GFRA1: variants seen among roughly 807,000 people sequenced by gnomAD.
The protein encoded by GFRA1 is GDNF family receptor alpha-1.
A neutral mutation model predicts 51.6 loss-of-function variants in GFRA1; 16 were observed. The ratio of observed to expected loss-of-function variants is 0.31; its 90% CI spans 0.21 to 0.47. The LOEUF is 0.47. Ranked by LOEUF, GFRA1 falls within the 20% of genes least tolerant of loss-of-function variation. The probability of loss-of-function intolerance (pLI) is 1.00; values close to 1 mark genes in which losing one functional copy is unlikely to be tolerated. For missense variants in GFRA1, 530 were observed against 594.3 expected, an observed-to-expected ratio of 0.89 and a Z score of 1.13; for synonymous variants, 270 against 241.3, an observed-to-expected ratio of 1.12 and a Z score of -1.10.
chr10:116,139,469 G>C (rs1958471662), intron 5 of GFRA1, among the ~76,000 whole-genome samples: 1 of 152,228 alleles, frequency 6.6e-6, no homozygotes, highest in Admixed American at 6.5e-5. Flanking sequence ...ATTTGGACTT[G>C]TACACTAGCT....
chr10:116,264,764 A>C (rs1259544885), intron 4 of GFRA1, among the ~76,000 whole-genome samples: 2 of 152,216 alleles, frequency 1.3e-5, no homozygotes, highest in Non-Finnish European at 2.9e-5. Flanking sequence ...GTGGGGCTTC[A>C]AAATGGAGAG....
intron 9 of GFRA1, among the ~76,000 whole-genome samples, 160 bp from the exon 10 acceptor site, chr10:116,065,786 AAG>A (rs745595493): frequency 2.0e-5 from 3 of 152,208 alleles, no homozygotes; most frequent in Non-Finnish European, 2.9e-5. Context: ...CCATGTAATA[AAG>A]AGATATCAGG....
chr10:116,196,749 T>C (rs1052994425), intron 5 of GFRA1, among the ~76,000 whole-genome samples: 3 of 83,728 alleles, frequency 3.6e-5, no homozygotes, highest in African/African-American at 7.9e-5. Flanking sequence ...ATATATAATA[T>C]ATATTATATA....
chr10:116,205,015 T>G (rs1416883601), intron 5 of GFRA1, among the ~76,000 whole-genome samples: 1 of 152,142 alleles, frequency 6.6e-6, no homozygotes, highest in East Asian at 1.9e-4. Context: ...TAAATCACAT[T>G]GATAGAATGT....
intron 5 of GFRA1, among the ~76,000 whole-genome samples, chr10:116,196,628 A>T (rs12771733): frequency 2.0e-3 from 44 of 21,886 alleles, no homozygotes; most frequent in African/African-American, 4.7e-3. Flanking sequence ...TAATATATAT[A>T]ATATATAGTA....
intron 6 of GFRA1, among the ~76,000 whole-genome samples, chr10:116,118,577 C>T (rs943598875): frequency 4.6e-5 from 7 of 152,138 alleles, no homozygotes; most frequent in Non-Finnish European, 5.9e-5. Flanking sequence ...CTCCTGAGAC[C>T]CTCTGCTGTG....
intron 6 of GFRA1, among the ~76,000 whole-genome samples, chr10:116,120,852 G>C (rs775317333): frequency 6.6e-6 from 1 of 152,178 alleles, no homozygotes; most frequent in Non-Finnish European, 1.5e-5. Context: ...GAAGGGCAAG[G>C]CCACTAAACC....
At chr10:116,126,367 A>G (rs1288186713) in intron 5 of GFRA1, among the ~76,000 whole-genome samples, 1 of 152,130 alleles carries the variant, frequency 6.6e-6, no homozygotes, top group East Asian at 1.9e-4. Context: ...TGCTGTCCAC[A>G]CTGCCTGCTC....
chr10:116,184,625 A>C (rs934672041), intron 5 of GFRA1, among the ~76,000 whole-genome samples: 1 of 152,048 alleles, frequency 6.6e-6, no homozygotes, highest in Non-Finnish European at 1.5e-5. Context: ...GTGGCACTAC[A>C]GGTGGGCCTC....
intron 4 of GFRA1, among the ~76,000 whole-genome samples, chr10:116,216,752 C>T (rs1965591033): frequency 6.6e-6 from 1 of 152,098 alleles, no homozygotes; most frequent in African/African-American, 2.4e-5. Context: ...GTTTGAGCTA[C>T]AGAAAGAAAA....
intron 9 of GFRA1, among the ~76,000 whole-genome samples, chr10:116,080,765 G>T (rs1215634838): frequency 6.6e-6 from 1 of 152,186 alleles, no homozygotes; most frequent in African/African-American, 2.4e-5. Context: ...GGGTCACAGG[G>T]TTGGGACTTG....
intron 5 of GFRA1, among the ~76,000 whole-genome samples, chr10:116,153,521 A>G (rs1393175969): frequency 6.6e-6 from 1 of 152,216 alleles, no homozygotes; most frequent in African/African-American, 2.4e-5. Flanking sequence ...GCTGGTTTAG[A>G]AATTAAACCA....
chr10:116,266,088 C>A (rs747510498), intron 4 of GFRA1, among the ~76,000 whole-genome samples: 5 of 152,202 alleles, frequency 3.3e-5, no homozygotes, highest in Non-Finnish European at 4.4e-5. Flanking sequence ...GATAATACCT[C>A]AGCAAGGCCT....
intron 6 of GFRA1, among the ~76,000 whole-genome samples, chr10:116,120,068 T>C (rs1957580488): frequency 6.6e-6 from 1 of 152,206 alleles, no homozygotes; most frequent in African/African-American, 2.4e-5. Context: ...CCCTGGGGAA[T>C]GGTAGAACCA....
At chr10:116,135,371 G>A (rs1236157967) in intron 5 of GFRA1, among the ~76,000 whole-genome samples, 2 of 152,116 alleles carry the variant, frequency 1.3e-5, no homozygotes, top group African/African-American at 4.8e-5. Context: ...CACACTGCAG[G>A]AGTGCATGAA....
rs1964757090 is a variant in GFRA1, at chr10:116,206,368, A to T, written c.433+5263T>A. 2.0e-5 allele frequency among the ~76,000 whole-genome samples: 3 copies of T among 152,102 alleles called. No homozygotes were observed. In the South Asian group the frequency reaches 6.2e-4, roughly 32 times the overall value. On this transcript the variant is annotated intron_variant, in intron 5 of 10. Coordinates refer to ENST00000355422, the MANE Select transcript of GFRA1 (RefSeq NM_005264.8). Reference sequence around the variant, plus strand: ...CCTAAGACGAAGGCCGAGCAGTTTGACCCATAAGTTTGAAATACGCAAAAG... The same window carrying T: ...CCTAAGACGAAGGCCGAGCAGTTTGTCCCATAAGTTTGAAATACGCAAAAG...
chr10:116,232,903 G>C (rs1003397768), intron 4 of GFRA1, among the ~76,000 whole-genome samples: 7 of 152,168 alleles, frequency 4.6e-5, no homozygotes, highest in African/African-American at 1.7e-4. Context: ...AACACTTAAT[G>C]GGGGGCACAG....
At chr10:116,123,697 AC>A (rs1453368403) in intron 6 of GFRA1, among the ~76,000 whole-genome samples, 2 of 152,172 alleles carry the variant, frequency 1.3e-5, no homozygotes, top group Non-Finnish European at 2.9e-5. Context: ...GAGGGCTTCT[AC>A]CTGGGGACAA....
rs116990618 is a variant in GFRA1 at position 116,236,381 on chromosome 10, A to G, written c.419-24736T>C. ...GGAAAATTTCCCCTCTATGCTCAAA[A>G]AGGTTACCAGGACTTTCTCATATGC... On this transcript the variant is annotated intron_variant, in intron 4 of 10. Coordinates refer to ENST00000355422, the MANE Select transcript of GFRA1 (RefSeq NM_005264.8). 1.1e-3 allele frequency among the ~76,000 whole-genome samples: 174 copies of G among 152,248 alleles called. 1 individual carries two copies. Among genetic ancestry groups the G allele is most frequent in the Non-Finnish European group, 2.0e-3 (134 of 68,022 alleles).
Sources: allele counts gnomAD v4.1 joint callset (sites outside exome capture counted in the v4.1 genomes callset), GRCh38; gene constraint gnomAD v4.1.1; transcripts MANE v1.5; gene names NCBI Gene and HGNC (gene_info 2026-07-23, HGNC 2026-07-21).